Variants in NXPE2 observed in about 807,000 individuals in gnomAD.
The protein encoded by NXPE2 is neurexophilin and PC-esterase domain family member 2, also known as NXPE family member 2.
NXPE2 carries 34 observed loss-of-function variants against 34.4 expected under a neutral mutation model. That is an observed-to-expected ratio of 0.99 (90% CI 0.75 to 1.31). The LOEUF (loss-of-function observed/expected upper bound fraction) is 1.31, where lower values mean the gene tolerates loss of function less well. Among genes scored for constraint, NXPE2 ranks in the 40% most tolerant of loss-of-function variants. The probability of loss-of-function intolerance (pLI) is 0.00; values close to 1 mark genes in which losing one functional copy is unlikely to be tolerated. For missense variants in NXPE2, 649 were observed against 672.5 expected, an observed-to-expected ratio of 0.97 and a Z score of 0.39; for synonymous variants, 235 against 231.3, an observed-to-expected ratio of 1.02 and a Z score of -0.15.
At chr11:114,577,103 A>T in the NXPE2 span, among the ~76,000 whole-genome samples, 1 of 142,028 alleles carries the variant, frequency 7.0e-6, no homozygotes, top group Admixed American at 7.3e-5. Context: ...ATATAAAGTT[A>T]TATATATACA....
chr11:114,469,109 CTTTTTTT>C, the NXPE2 span, among the ~76,000 whole-genome samples: 10 of 88,866 alleles, frequency 1.1e-4, no homozygotes, highest in African/African-American at 4.1e-4. Flanking sequence ...ACAGTGCTAG[CTTTTTTT>C]TTTTTTTTTT....
chr11:114,638,261 C>T, the NXPE2 span, among the ~76,000 whole-genome samples: 1 of 152,154 alleles, frequency 6.6e-6, no homozygotes, highest in East Asian at 1.9e-4. Context: ...CACATCAGCT[C>T]CTGAGGCTTC....
the NXPE2 span, among the ~76,000 whole-genome samples, chr11:114,595,374 A>T: frequency 6.6e-6 from 1 of 152,096 alleles, no homozygotes; most frequent in Non-Finnish European, 1.5e-5. Context: ...TTTGCACCGG[A>T]ATTCCAAGTT....
At chr11:114,466,401 A>G in the NXPE2 span, among the ~76,000 whole-genome samples, 1 of 152,200 alleles carries the variant, frequency 6.6e-6, no homozygotes, top group East Asian at 1.9e-4. Context: ...ATTGTTTAGT[A>G]TTAATTTATG....
chr11:114,627,044 T>C, the NXPE2 span, among the ~76,000 whole-genome samples: 9 of 151,770 alleles, frequency 5.9e-5, no homozygotes, highest in Non-Finnish European at 1.3e-4. Flanking sequence ...TACATCTCAT[T>C]TGTGTACCTG....
At chr11:114,692,331 A>G (rs11215154) in intron 2 of NXPE2, among the ~76,000 whole-genome samples, 1,875 of 152,220 alleles carry the variant, frequency 0.012, 36 homozygotes, top group African/African-American at 0.042. Flanking sequence ...GCAGGGTAGC[A>G]AGTACCCTCC....
At chr11:114,507,474 A>T in the NXPE2 span, among the ~76,000 whole-genome samples, 4 of 152,168 alleles carry the variant, frequency 2.6e-5, no homozygotes, top group Non-Finnish European at 4.4e-5. Flanking sequence ...CTTGATGAAC[A>T]TCGATGCAAA....
chr11:114,599,235 A>C, the NXPE2 span, among the ~76,000 whole-genome samples: 1 of 152,080 alleles, frequency 6.6e-6, no homozygotes, highest in African/African-American at 2.4e-5. Flanking sequence ...TCTTCACTAA[A>C]CCATAACAAA....
downstream of NXPE2, among the ~76,000 whole-genome samples, chr11:114,708,873 A>G (rs564073336): frequency 6.6e-6 from 1 of 152,186 alleles, no homozygotes; most frequent in South Asian, 2.1e-4. Flanking sequence ...GACCATCTCA[A>G]ATTCCTTCAA....
At chr11:114,507,757 C>T in the NXPE2 span, among the ~76,000 whole-genome samples, 1 of 151,822 alleles carries the variant, frequency 6.6e-6, no homozygotes, top group Non-Finnish European at 1.5e-5. Flanking sequence ...AAAATAAGAG[C>T]CATATATGAC....
At chr11:114,571,139 C>T in the NXPE2 span, 1 of 1,613,658 alleles carries the variant, frequency 6.2e-7, no homozygotes, top group Non-Finnish European at 8.5e-7. Context: ...TGTACATCTC[C>T]CTGATGTTTT....
the NXPE2 span, among the ~76,000 whole-genome samples, chr11:114,624,683 A>T: frequency 2.0e-5 from 3 of 152,058 alleles, no homozygotes; most frequent in Admixed American, 2.0e-4. Flanking sequence ...GGTGGAAAAT[A>T]AGTATTGCCT....
At chr11:114,796,645 G>C in the NXPE2 span, among the ~76,000 whole-genome samples, 1 of 152,186 alleles carries the variant, frequency 6.6e-6, no homozygotes, top group Non-Finnish European at 1.5e-5. Flanking sequence ...TATCCCACAA[G>C]AACCTAATGA....
At chr11:114,687,007 A>G (rs1430540071) in intron 2 of NXPE2, among the ~76,000 whole-genome samples, 2 of 152,166 alleles carry the variant, frequency 1.3e-5, no homozygotes, top group East Asian at 3.8e-4. Flanking sequence ...TAGACTCTTG[A>G]CAGCAGTCCT....
the NXPE2 span, among the ~76,000 whole-genome samples, chr11:114,481,598 C>A: frequency 6.6e-6 from 1 of 152,250 alleles, no homozygotes; most frequent in South Asian, 2.1e-4. Context: ...TAAGGAAATT[C>A]ATAAAATTAA....
At chr11:114,797,358 C>T in the NXPE2 span, among the ~76,000 whole-genome samples, 2 of 152,188 alleles carry the variant, frequency 1.3e-5, no homozygotes, top group Non-Finnish European at 2.9e-5. Context: ...CCTACCGTGT[C>T]TCTTTTAGCT....
the NXPE2 span, chr11:114,583,039 G>T: frequency 6.3e-7 from 1 of 1,592,516 alleles, no homozygotes; most frequent in Admixed American, 1.7e-5. Context: ...GACAGCAAAT[G>T]TGACATGAGA....
At chr11:114,659,558 A>G in the NXPE2 span, among the ~76,000 whole-genome samples, 1 of 152,158 alleles carries the variant, frequency 6.6e-6, no homozygotes, top group East Asian at 1.9e-4. Context: ...GAAATGAAAC[A>G]ACATACTTCT....
chr11:114,546,471 CTTT>C, the NXPE2 span, among the ~76,000 whole-genome samples: 12 of 145,998 alleles, frequency 8.2e-5, no homozygotes, highest in African/African-American at 1.7e-4. Flanking sequence ...TTTTCTTTTT[CTTT>C]TTTTTTTTTT....
Sources: gnomAD v4.1 joint callset for allele counts (sites outside exome capture counted in the v4.1 genomes callset) on GRCh38, gnomAD v4.1.1 for gene constraint, MANE v1.5 for transcripts, NCBI Gene and HGNC (gene_info 2026-07-23, HGNC 2026-07-21) for gene names.